Variants in GCGR observed in about 807,000 individuals in gnomAD.
GCGR encodes glucagon receptor.
In GCGR, 41 loss-of-function variants were observed where a neutral mutation model predicts 56.1. The observed-to-expected ratio is 0.73, with a 90% CI of 0.57 to 0.95. The LOEUF is 0.95. Ranked by LOEUF, GCGR falls within the 40% of genes least tolerant of loss-of-function variation. The pLI is 0.00. For missense variants in GCGR, 595 were observed against 638.2 expected (o/e 0.93, Z 0.73); for synonymous variants, 278 against 271.1 (o/e 1.03, Z -0.25).
At chr17:81,809,179 C>CCTGT in intron 2 of GCGR, 101 bp downstream of exon 2, 5 of 1,382,426 alleles carry the variant, frequency 3.6e-6, no homozygotes, top group South Asian at 2.7e-5. Context: ...TGTCTGCCTG[C>CCTGT]CTGTCTGTCT....
Position 81,812,455 on chromosome 17 carries a change from T to G in GCGR, c.949-122T>G. The stretch of plus-strand genomic sequence containing the variant: ...TGTGTGCCCACCAGCCCCAGGGCTA[T>G]GTGGCCCAGGGCCTATCTTGCTGCC... On this transcript the variant is annotated intron_variant, in intron 10 of 13. Transcript: ENST00000400723. The surrounding 1 kb of genome is among the most constrained non-coding windows in gnomAD (Gnocchi z 8.5). 1 of 1,081,234 alleles carries G rather than the reference T, an allele frequency of 9.2e-7. No individual in the cohort carries two copies. The highest frequency in any genetic ancestry group is 1.3e-6 in the Non-Finnish European group (1 of 755,402). 67.0% of individuals were successfully genotyped at this position (1,081,234 alleles called of 1,614,324 possible).
rs925197058 is a variant in GCGR at position 81,806,977 on chromosome 17, G to A, written c.-177-1865G>A. Among the ~76,000 whole-genome samples the A allele has an allele frequency of 2.6e-5, 4 of 152,084 alleles. No homozygotes were observed. Among genetic ancestry groups the A allele is most frequent in the East Asian group, 1.9e-4 (1 of 5,192 alleles). On this transcript the variant is annotated intron_variant, in intron 1 of 13. Coordinates refer to ENST00000400723, the MANE Select transcript of GCGR (RefSeq NM_000160.5). The surrounding 1 kb of genome is among the most constrained non-coding windows in gnomAD (Gnocchi z 6.5). The stretch of plus-strand genomic sequence containing the variant: ...GCCTGCCCACCTAGCAGTGCCCCTC[G>A]TCCAGGGCCCCTCTGGGTTGGGGGT...
chr17:81,810,120 C>T lies in GCGR; in HGVS notation c.163+236C>T. ...GAAATAACAGAACGGTGGCATTGCC[C>T]CAGAACCGGCTGCTGCTGCTGCCCC... On this transcript the variant is annotated intron_variant, in intron 3 of 13. Coordinates refer to ENST00000400723, the MANE Select transcript of GCGR (RefSeq NM_000160.5). The surrounding 1 kb of genome is among the most constrained non-coding windows in gnomAD (Gnocchi z 4.6). 3.4e-6 allele frequency: 2 copies of T among 590,850 alleles called. 1 individual carries two copies. The highest frequency in any genetic ancestry group is 6.2e-6 in the Non-Finnish European group (2 of 324,388). 36.6% of individuals were successfully genotyped at this position (590,850 alleles called of 1,614,324 possible).
chr17:81,811,276 A>G lies in GCGR; in HGVS notation c.448A>G (p.Ser150Gly), dbSNP rs2038091364. 1.3e-6 allele frequency: 2 copies of G among 1,536,178 alleles called. No homozygotes were observed. The highest frequency in any genetic ancestry group is 2.7e-5 in the African/African-American group (2 of 73,174). Reference protein sequence around the residue: ...SFQVMYTVGYSLSLGALLLAL... With the variant: ...SFQVMYTVGYGLSLGALLLAL... ...CCAGGTGATGTACACAGTGGGCTAC[A>G]GCCTGTCCCTGGGGGCCCTGCTCCT... The change falls in exon 6 of 14, where the codon AGC becomes GGC. Residue 150 changes from serine to glycine, a missense_variant. Physicochemically the swap from Ser to Gly is moderately conservative, Grantham distance 56. Transcript: ENST00000400723. This position sits in a 1 kb window ranked among gnomAD's most constrained non-coding sequence, Gnocchi z 5.8.
Position 81,811,034 on chromosome 17 carries a change from G to T in GCGR, c.296G>T (p.Arg99Ile), listed in dbSNP as rs1039904981. 6.5e-7 allele frequency: 1 copy of T among 1,536,062 alleles called. No individual in the cohort carries two copies. Among genetic ancestry groups the T allele is most frequent in the Non-Finnish European group, 8.7e-7 (1 of 1,146,878 alleles). Residue 99 changes from arginine to isoleucine, a missense_variant, in exon 5 of 14, where the codon AGA (arginine) becomes ATA (isoleucine). By Grantham distance (97) the Arg-to-Ile change is moderately conservative. Coordinates refer to ENST00000400723, the MANE Select transcript of GCGR (RefSeq NM_000160.5). The surrounding 1 kb of genome is among the most constrained non-coding windows in gnomAD (Gnocchi z 5.8). ...HKVQHRFVFK[R>I]CGPDGQWVRG... Reference sequence around the variant, plus strand: ...GTGCAACACCGCTTCGTGTTCAAGAGATGCGGGCCCGACGGTCAGTGGGTG... The same window carrying T: ...GTGCAACACCGCTTCGTGTTCAAGATATGCGGGCCCGACGGTCAGTGGGTG...
rs907896266 is a variant in GCGR at position 81,810,348 on chromosome 17, C to A, written c.163+464C>A. 5 of 325,492 alleles carry A rather than the reference C, an allele frequency of 1.5e-5. No homozygotes were observed. Among genetic ancestry groups the A allele is most frequent in the African/African-American group, 2.1e-5 (1 of 46,776 alleles). 20.2% of individuals were successfully genotyped at this position (325,492 alleles called of 1,614,324 possible). On this transcript the variant is annotated intron_variant, in intron 3 of 13. Transcript: ENST00000400723. This position sits in a 1 kb window ranked among gnomAD's most constrained non-coding sequence, Gnocchi z 4.6. ...AGTGCCTGGGTTCGGATGAGGGAGGCAGCCACCACTGGGCAGAGGGGGGCA... is the reference window on the plus strand; with the variant it reads ...AGTGCCTGGGTTCGGATGAGGGAGGAAGCCACCACTGGGCAGAGGGGGGCA...
rs555478414 is a variant in GCGR at position 81,809,959 on chromosome 17, C to T, written c.163+75C>T. 12 of 1,174,448 alleles carry T rather than the reference C, an allele frequency of 1.0e-5. No homozygotes were observed. In the Admixed American group the frequency reaches 1.8e-4, roughly 17 times the overall value. The allele number at this position is 1,174,448 out of a possible 1,614,324, so 72.8% of individuals were successfully genotyped here. On this transcript the variant is annotated intron_variant, in intron 3 of 13. Coordinates refer to ENST00000400723, the MANE Select transcript of GCGR (RefSeq NM_000160.5). Reference sequence around the variant, plus strand: ...CCTGAGTTCTCTTCATGGGAAGGTTCCTGGGTGCTTATGCAGCCTTTGAGG... The same window carrying T: ...CCTGAGTTCTCTTCATGGGAAGGTTTCTGGGTGCTTATGCAGCCTTTGAGG...
chr17:81,812,136 AGGGGCTG>A lies in GCGR; in HGVS notation c.879-39_879-33del. 1 of 1,387,468 alleles carries A rather than the reference AGGGGCTG, an allele frequency of 7.2e-7. No homozygotes were observed. The allele number at this position is 1,387,468 out of a possible 1,614,324, so 85.9% of individuals were successfully genotyped here. The stretch of plus-strand genomic sequence containing the variant: ...TCGGGACGGGGGTGCTGAGGGGCGG[AGGGGCTG>A]GGGGCTGTGCCCCAGTATGTGAGTG... On this transcript the variant is annotated intron_variant, in intron 9 of 13. Coordinates refer to ENST00000400723, the MANE Select transcript of GCGR (RefSeq NM_000160.5). This position sits in a 1 kb window ranked among gnomAD's most constrained non-coding sequence, Gnocchi z 8.5.
Position 81,813,602 on chromosome 17 carries a change from G to A in GCGR, c.1347G>A (p.Gln449=). The change falls in exon 14 of 14, where the codon CAG becomes CAA. Residue 449 remains glutamine (Q), a synonymous_variant. Coordinates refer to ENST00000400723, the MANE Select transcript of GCGR (RefSeq NM_000160.5). This position sits in a 1 kb window ranked among gnomAD's most constrained non-coding sequence, Gnocchi z 5.3. ...PGHGPPSKEL[Q]FGRGGGSQDS... ...ACGGCCCTCCCAGCAAGGAGCTGCA[G>A]TTTGGGAGGGGTGGTGGCAGCCAGG... 1.3e-6 allele frequency: 2 copies of A among 1,536,608 alleles called. No individual in the cohort carries two copies. The highest frequency in any genetic ancestry group is 1.7e-6 in the Non-Finnish European group (2 of 1,146,862).
chr17:81,811,249 T>C lies in GCGR; in HGVS notation c.421T>C (p.Phe141Leu), dbSNP rs868372915. 5 of 1,536,204 alleles carry C rather than the reference T, an allele frequency of 3.3e-6. No homozygotes were observed. Among genetic ancestry groups the C allele is most frequent in the Non-Finnish European group, 3.5e-6 (4 of 1,146,768 alleles). The change falls in exon 6 of 14, where the codon TTC (phenylalanine) becomes CTC (leucine). Residue 141 changes from phenylalanine to leucine, a missense_variant. Coordinates refer to ENST00000400723, the MANE Select transcript of GCGR (RefSeq NM_000160.5). The surrounding 1 kb of genome is among the most constrained non-coding windows in gnomAD (Gnocchi z 5.8). ...QKEVAKMYSSFQVMYTVGYSL... is the reference protein window; with the variant it reads ...QKEVAKMYSSLQVMYTVGYSL... ...GGAGGTGGCCAAGATGTACAGCAGCTTCCAGGTGATGTACACAGTGGGCTA... is the reference window on the plus strand; with the variant it reads ...GGAGGTGGCCAAGATGTACAGCAGCCTCCAGGTGATGTACACAGTGGGCTA...
At chr17:81,807,280 G>A (rs1046731224) in intron 1 of GCGR, among the ~76,000 whole-genome samples, 7 of 152,232 alleles carry the variant, frequency 4.6e-5, no homozygotes, top group African/African-American at 9.6e-5. Flanking sequence ...GGGGATCAGC[G>A]ACACACGGGT....
In GCGR at chr17:81,812,892, G is replaced by A. The variant is rs1313639238; in HGVS notation, c.1123G>A (p.Gly375Ser). ...CTTCGTGACGGACGAGCACGCCCAG[G>A]GCACCCTGCGCTCCGCCAAGCTCTT... ...FAFVTDEHAQ[G>S]TLRSAKLFFD... The change falls in exon 12 of 14, where the codon GGC (glycine) becomes AGC (serine). Residue 375 changes from glycine to serine, a missense_variant. Transcript: ENST00000400723. This position sits in a 1 kb window ranked among gnomAD's most constrained non-coding sequence, Gnocchi z 8.5. The A allele has an allele frequency of 2.0e-6, 3 of 1,535,984 alleles. No homozygotes were observed. Among genetic ancestry groups the A allele is most frequent in the African/African-American group, 2.7e-5 (2 of 73,020 alleles).
rs1053537140 is a variant in GCGR at position 81,812,288 on chromosome 17, C to T, written c.948+36C>T. On this transcript the variant is annotated intron_variant, in intron 10 of 13. Transcript: ENST00000400723. This position sits in a 1 kb window ranked among gnomAD's most constrained non-coding sequence, Gnocchi z 8.5. ...GAAGAGCCAGGAGCGCACCCCAGGCCCCTCCTCCCTTGGCGTCCTGAGGCT... is the reference window on the plus strand; with the variant it reads ...GAAGAGCCAGGAGCGCACCCCAGGCTCCTCCTCCCTTGGCGTCCTGAGGCT... 11 of 1,532,868 alleles carry T rather than the reference C, an allele frequency of 7.2e-6. No homozygotes were observed. The Admixed American group carries it at 1.4e-4, about 19-fold the overall frequency. The allele number at this position is 1,532,868 out of a possible 1,614,324, so 95.0% of individuals were successfully genotyped here. A position where few individuals can be genotyped will look rare whatever the true frequency, so the allele number is the denominator to read the frequency against.
rs2038120724 is a variant in GCGR at position 81,812,391 on chromosome 17, C to CG, written c.948+139_948+140insG. 4 of 1,098,852 alleles carry CG rather than the reference C, an allele frequency of 3.6e-6. No individual in the cohort carries two copies. The African/African-American group carries it at 4.7e-5, about 13-fold the overall frequency. The allele number at this position is 1,098,852 out of a possible 1,614,324, so 68.1% of individuals were successfully genotyped here. On this transcript the variant is annotated intron_variant, in intron 10 of 13. Coordinates refer to ENST00000400723, the MANE Select transcript of GCGR (RefSeq NM_000160.5). This position sits in a 1 kb window ranked among gnomAD's most constrained non-coding sequence, Gnocchi z 8.5. Reference sequence around the variant, plus strand: ...CCAGACAGGACACCAGGACACTGGCCAGCACCCTGGACACTGAGCCAGGCT... The same window carrying CG: ...CCAGACAGGACACCAGGACACTGGCCGAGCACCCTGGACACTGAGCCAGGCT...
At position 81,811,003 on chromosome 17, in the gene GCGR, C is replaced by A; in HGVS notation, c.272-7C>A. ...GGGCTGACCCCAGCCTCCCCCCACA[C>A]CCCCAGTGCAACACCGCTTCGTGTT... On this transcript the variant is annotated splice_polypyrimidine_tract_variant and splice_region_variant and intron_variant, in intron 4 of 13. Coordinates refer to ENST00000400723, the MANE Select transcript of GCGR (RefSeq NM_000160.5). This position sits in a 1 kb window ranked among gnomAD's most constrained non-coding sequence, Gnocchi z 5.8. 3 of 1,535,898 alleles carry A rather than the reference C, an allele frequency of 2.0e-6. No homozygotes were observed. The highest frequency in any genetic ancestry group is 2.6e-6 in the Non-Finnish European group (3 of 1,146,682).
rs987151047 is a variant in GCGR at position 81,810,157 on chromosome 17, G to A, written c.163+273G>A. ...GCTGCTGCTGCCCCCAGGCCCAGAT[G>A]GGTAATACCACCTACAGCCCCGTGG... On this transcript the variant is annotated intron_variant, in intron 3 of 13. Coordinates refer to ENST00000400723, the MANE Select transcript of GCGR (RefSeq NM_000160.5). The surrounding 1 kb of genome is among the most constrained non-coding windows in gnomAD (Gnocchi z 4.6). The A allele has an allele frequency of 1.5e-5, 8 of 542,166 alleles. No homozygotes were observed. Among genetic ancestry groups the A allele is most frequent in the Non-Finnish European group, 2.7e-5 (8 of 296,338 alleles). 33.6% of individuals were successfully genotyped at this position (542,166 alleles called of 1,614,324 possible).
At chr17:81,805,954 G>A (rs994120067) in intron 1 of GCGR, among the ~76,000 whole-genome samples, 1 of 152,334 alleles carries the variant, frequency 6.6e-6, no homozygotes, top group East Asian at 1.9e-4. Context: ...GGGGGTGTCA[G>A]TGTCTCCTCT....
rs1028840685 is a variant in GCGR, at chr17:81,806,160, C to G, written c.-178+1911C>G. 2.6e-5 allele frequency among the ~76,000 whole-genome samples: 4 copies of G among 152,162 alleles called. No individual in the cohort carries two copies. The highest frequency in any genetic ancestry group is 6.5e-5 in the Admixed American group (1 of 15,280). ...GCTCAGCTGGAAATTGGTCCCCCCC[C>G]GGCTCCACCCACCCCTGTTGGGGTG... On this transcript the variant is annotated intron_variant, in intron 1 of 13. Coordinates refer to ENST00000400723, the MANE Select transcript of GCGR (RefSeq NM_000160.5). This position sits in a 1 kb window ranked among gnomAD's most constrained non-coding sequence, Gnocchi z 6.5.
Position 81,809,792 on chromosome 17 carries a change from C to T in GCGR, c.71C>T (p.Pro24Leu). The T allele has an allele frequency of 3.9e-6, 6 of 1,536,378 alleles. No homozygotes were observed. The highest frequency in any genetic ancestry group is 4.4e-6 in the Non-Finnish European group (5 of 1,146,704). Residue 24 changes from proline (P) to leucine (L), a missense_variant, in exon 3 of 14, where the codon CCC (proline) becomes CTC (leucine). Physicochemically the swap from Pro to Leu is moderately conservative, Grantham distance 98 (BLOSUM62 -3). Coordinates refer to ENST00000400723, the MANE Select transcript of GCGR (RefSeq NM_000160.5). Reference protein sequence around the residue: ...LLLLACQPQVPSAQVMDFLFE... With the variant: ...LLLLACQPQVLSAQVMDFLFE... ...GCATGTGTCCCCCAGCCACAGGTCCCCTCCGCTCAGGTGATGGACTTCCTG... is the reference window on the plus strand; with the variant it reads ...GCATGTGTCCCCCAGCCACAGGTCCTCTCCGCTCAGGTGATGGACTTCCTG...
Sources: gnomAD v4.1 joint callset for allele counts (sites outside exome capture counted in the v4.1 genomes callset) on GRCh38, gnomAD v4.1.1 for gene constraint, Gnocchi (gnomAD v3.1) non-coding constraint, MANE v1.5 for transcripts, NCBI Gene and HGNC (gene_info 2026-07-23, HGNC 2026-07-21) for gene names.